NRG2: variants seen among roughly 807,000 people sequenced by gnomAD.
The protein encoded by NRG2 is neuregulin 2, also known as pro-neuregulin-2, membrane-bound isoform.
A neutral mutation model predicts 73.9 loss-of-function variants in NRG2; 27 were observed. The ratio of observed to expected loss-of-function variants is 0.37; its 90% confidence interval spans 0.27 to 0.50. The LOEUF is 0.50. NRG2 is among the 20% of genes least tolerant of loss of function. The probability of loss-of-function intolerance (pLI) is 0.96; values close to 1 mark genes in which losing one functional copy is unlikely to be tolerated. For missense variants in NRG2, 1,126 were observed against 1,210.1 expected (o/e 0.93, Z 1.03); for synonymous variants, 532 against 541.0 (o/e 0.98, Z 0.23).
chr5:139,939,236 C>T (rs896577873), intron 1 of NRG2, among the ~76,000 whole-genome samples: 1 of 141,662 alleles, frequency 7.1e-6, no homozygotes, highest in African/African-American at 2.9e-5. Context: ...TCCTTCCTTC[C>T]TTCCTTCCTT....
At chr5:139,979,235 TA>T (rs925579553) in intron 1 of NRG2, among the ~76,000 whole-genome samples, 4 of 150,836 alleles carry the variant, frequency 2.7e-5, no homozygotes, top group East Asian at 1.9e-4. Flanking sequence ...AAGTATAATT[TA>T]AAAAAAAAGA....
intron 1 of NRG2, among the ~76,000 whole-genome samples, chr5:139,917,515 G>T (rs1389638886): frequency 3.9e-5 from 6 of 152,178 alleles, no homozygotes; most frequent in Non-Finnish European, 8.8e-5. Flanking sequence ...GCCTCCCAAA[G>T]TGCTGGGATT....
chr5:140,002,088 G>A (rs1326233540), intron 1 of NRG2, among the ~76,000 whole-genome samples: 1 of 152,112 alleles, frequency 6.6e-6, no homozygotes, highest in African/African-American at 2.4e-5. Flanking sequence ...GGAGGCTGAG[G>A]CAGGAGGGTC....
chr5:139,873,248 T>G (rs1250187550), intron 3 of NRG2, among the ~76,000 whole-genome samples: 1 of 152,174 alleles, frequency 6.6e-6, no homozygotes, highest in African/African-American at 2.4e-5. Context: ...GCCCCACCCC[T>G]GCTGAGGTCT....
At chr5:139,920,174 A>G (rs1751554569) in intron 1 of NRG2, among the ~76,000 whole-genome samples, 2 of 152,246 alleles carry the variant, frequency 1.3e-5, no homozygotes, top group Admixed American at 1.3e-4. Flanking sequence ...TTAGATCCTG[A>G]TGTGAAGGCA....
chr5:139,854,294 A>T (rs1317889587), intron 6 of NRG2, among the ~76,000 whole-genome samples: 2 of 152,054 alleles, frequency 1.3e-5, no homozygotes, highest in Non-Finnish European at 2.9e-5. Context: ...TCACCTGCTA[A>T]CTCTTGTTCA....
intron 1 of NRG2, among the ~76,000 whole-genome samples, chr5:139,919,981 C>T (rs1751541701): frequency 6.6e-6 from 1 of 152,096 alleles, no homozygotes; most frequent in Non-Finnish European, 1.5e-5. Flanking sequence ...AGGTTCATAA[C>T]AAAAATGAAT....
chr5:139,867,762 CTGTGTGTGTGTGTGTG>C (rs367771225), intron 4 of NRG2, among the ~76,000 whole-genome samples: 2,863 of 128,804 alleles, frequency 0.022, 124 homozygotes, highest in African/African-American at 0.08. Context: ...GAAGGGAAAC[CTGTGTGTGTGTGTGTG>C]TGTGTGTGTG....
intron 1 of NRG2, among the ~76,000 whole-genome samples, chr5:139,900,583 G>GT (rs200829392): frequency 0.016 from 2,467 of 152,308 alleles, 67 homozygotes; most frequent in African/African-American, 0.057. Context: ...TTGCCAGAGG[G>GT]TTTTTTTGTT....
chr5:140,043,079 C>G lies in NRG2; in HGVS notation c.-10G>C. 1 of 1,571,400 alleles carries G rather than the reference C, an allele frequency of 6.4e-7. No homozygotes were observed. Among genetic ancestry groups the G allele is most frequent in the Non-Finnish European group, 8.6e-7 (1 of 1,167,770 alleles). ...AGCAAACCTGCCGCATCTGGCCAGG[C>G]CATTTGGGGGGCTCCGCCGCTCAGC... is the stretch of plus-strand genomic sequence containing the variant. On this transcript the variant is annotated 5_prime_UTR_variant, in exon 1 of 10. Transcript: ENST00000361474. The surrounding 1 kb of genome is among the most constrained non-coding windows in gnomAD (Gnocchi z 6.7).
chr5:139,867,762 C>CTCTGTGTGTG (rs1554101254), intron 4 of NRG2, among the ~76,000 whole-genome samples: 1 of 128,774 alleles, frequency 7.8e-6, no homozygotes, highest in Non-Finnish European at 1.6e-5. Context: ...GAAGGGAAAC[C>CTCTGTGTGTG]TGTGTGTGTG....
Position 139,851,943 on chromosome 5 carries a change from C to G in NRG2, c.1545-112G>C, listed in dbSNP as rs1400905589. ...TCTTCCACCTCGAGCTCCCTTAGCT[C>G]AATGCCCTTCTCCACTCTGGGGTGA... On this transcript the variant is annotated intron_variant, in intron 8 of 9. Transcript: ENST00000361474. This position sits in a 1 kb window ranked among gnomAD's most constrained non-coding sequence, Gnocchi z 4.2. The G allele has an allele frequency of 6.0e-6, 5 of 830,774 alleles. No individual in the cohort carries two copies. The highest frequency in any genetic ancestry group is 7.7e-6 in the Non-Finnish European group (4 of 518,372). The allele number at this position is 830,774 out of a possible 1,614,324, so 51.5% of individuals were successfully genotyped here. A position where few individuals can be genotyped will look rare whatever the true frequency, so the allele number is the denominator to read the frequency against.
At chr5:139,991,407 C>T (rs368838458) in intron 1 of NRG2, among the ~76,000 whole-genome samples, 1 of 152,086 alleles carries the variant, frequency 6.6e-6, no homozygotes, top group East Asian at 1.9e-4. Flanking sequence ...ATATTTTCTA[C>T]TAAGAATTTT....
chr5:139,952,800 C>T (rs577088617), intron 1 of NRG2, among the ~76,000 whole-genome samples: 3 of 152,100 alleles, frequency 2.0e-5, no homozygotes, highest in African/African-American at 2.4e-5. Context: ...TATGTGCGCA[C>T]GTGTGTATGT....
chr5:140,007,121 C>G (rs1758969168), intron 1 of NRG2, among the ~76,000 whole-genome samples: 1 of 152,014 alleles, frequency 6.6e-6, no homozygotes. Flanking sequence ...GCCAAGGATG[C>G]TACTAAATAT....
At chr5:139,999,855 A>G (rs1758299981) in intron 1 of NRG2, among the ~76,000 whole-genome samples, 1 of 152,230 alleles carries the variant, frequency 6.6e-6, no homozygotes, top group Admixed American at 6.5e-5. Flanking sequence ...ATACCCACCC[A>G]GAGGGAACCT....
intron 1 of NRG2, among the ~76,000 whole-genome samples, chr5:140,027,891 A>T (rs893243913): frequency 6.6e-6 from 1 of 152,222 alleles, no homozygotes. Flanking sequence ...GTTATGGGAA[A>T]AAAAGAGTAA....
chr5:139,862,393 C>T (rs958845225), intron 5 of NRG2, among the ~76,000 whole-genome samples: 2 of 152,148 alleles, frequency 1.3e-5, no homozygotes, highest in African/African-American at 2.4e-5. Context: ...TGGCTGTGTC[C>T]GCCCCAGCAA....
chr5:139,925,166 C>T (rs1260447009), intron 1 of NRG2, among the ~76,000 whole-genome samples: 1 of 152,102 alleles, frequency 6.6e-6, no homozygotes, highest in East Asian at 1.9e-4. Flanking sequence ...TGTATGGTTT[C>T]CTTTTTGTTG....
Sources: allele counts gnomAD v4.1 joint callset (sites outside exome capture counted in the v4.1 genomes callset), GRCh38; gene constraint gnomAD v4.1.1; non-coding constraint Gnocchi (gnomAD v3.1); transcripts MANE v1.5; gene names NCBI Gene and HGNC (gene_info 2026-07-23, HGNC 2026-07-21).